Variants in RBFOX1 observed in about 807,000 individuals in gnomAD.
The protein encoded by RBFOX1 is RNA binding protein fox-1 homolog 1.
Under a neutral mutation model 57.7 loss-of-function variants are expected in RBFOX1, and 8 were observed. The ratio of observed to expected loss-of-function variants is 0.14; its 90% CI spans 0.08 to 0.25. RBFOX1 has a LOEUF of 0.25. Ranked by LOEUF, RBFOX1 falls within the 10% of genes least tolerant of loss-of-function variation. The pLI is 1.00. For synonymous variants in RBFOX1, 326 were observed against 222.4 expected (o/e 1.47, Z -4.15); for missense variants, 611 against 548.5 (o/e 1.11, Z -1.14).
intron 4 of RBFOX1, among the ~76,000 whole-genome samples, chr16:7,207,479 C>T (rs1463906726): frequency 6.6e-6 from 1 of 152,174 alleles, no homozygotes; most frequent in East Asian, 1.9e-4. Context: ...GTGCAACCCC[C>T]GGACTGGCCC....
At chr16:6,835,389 T>C (rs2093019112) in intron 3 of RBFOX1, among the ~76,000 whole-genome samples, 1 of 152,166 alleles carries the variant, frequency 6.6e-6, no homozygotes, top group African/African-American at 2.4e-5. Context: ...ATATAGGACC[T>C]GTATTAAAGG....
At chr16:6,789,196 C>G (rs1238723231) in intron 3 of RBFOX1, among the ~76,000 whole-genome samples, 1 of 152,078 alleles carries the variant, frequency 6.6e-6, no homozygotes, top group Non-Finnish European at 1.5e-5. Flanking sequence ...GGTTTAAAGA[C>G]TGTAAGTCAT....
intron 3 of RBFOX1, among the ~76,000 whole-genome samples, chr16:6,882,365 T>A (rs568534279): frequency 6.6e-6 from 1 of 152,070 alleles, no homozygotes; most frequent in African/African-American, 2.4e-5. Context: ...AATTACAGTT[T>A]AGTCACCTAA....
intron 4 of RBFOX1, among the ~76,000 whole-genome samples, chr16:5,955,441 A>C (rs2059617885): frequency 6.6e-6 from 1 of 151,780 alleles, no homozygotes; most frequent in Non-Finnish European, 1.5e-5. Context: ...CTGAGAACTA[A>C]CTATACCCTT....
chr16:5,514,197 T>C (rs2043706254), intron 2 of RBFOX1, among the ~76,000 whole-genome samples: 1 of 152,170 alleles, frequency 6.6e-6, no homozygotes, highest in Non-Finnish European at 1.5e-5. Context: ...TCCTGCTGGC[T>C]TGACTAGCCC....
At chr16:7,284,114 C>A (rs538389570) in intron 4 of RBFOX1, among the ~76,000 whole-genome samples, 1 of 152,226 alleles carries the variant, frequency 6.6e-6, no homozygotes, top group Admixed American at 6.5e-5. Flanking sequence ...TCAACAGTTC[C>A]TTCTTCCCTT....
chr16:6,537,337 G>T (rs2096749261), intron 2 of RBFOX1, among the ~76,000 whole-genome samples: 1 of 152,180 alleles, frequency 6.6e-6, no homozygotes, highest in Non-Finnish European at 1.5e-5. Context: ...CAATAGAATT[G>T]CATCCAGAGG....
At chr16:5,464,894 C>G (rs1408986006) in intron 1 of RBFOX1, among the ~76,000 whole-genome samples, 1 of 152,170 alleles carries the variant, frequency 6.6e-6, no homozygotes, top group Non-Finnish European at 1.5e-5. Context: ...AGGTCTGTAT[C>G]TGTTCAGCCC....
At chr16:5,757,231 GT>G (rs562031050) in intron 3 of RBFOX1, among the ~76,000 whole-genome samples, 10,833 of 126,996 alleles carry the variant, frequency 0.085, 1,264 homozygotes, top group African/African-American at 0.29. Context: ...TGGTTTTTGT[GT>G]TTTTTTTTTT....
intron 3 of RBFOX1, among the ~76,000 whole-genome samples, chr16:5,820,516 A>G (rs2055809416): frequency 6.6e-6 from 1 of 152,008 alleles, no homozygotes; most frequent in Non-Finnish European, 1.5e-5. Context: ...AGGGAGGGGA[A>G]CCCACCCCAG....
At chr16:5,427,994 A>T (rs918155756) in intron 1 of RBFOX1, among the ~76,000 whole-genome samples, 7 of 152,140 alleles carry the variant, frequency 4.6e-5, no homozygotes, top group African/African-American at 1.7e-4. Context: ...CCACACTGAC[A>T]TTGTGGGTCT....
At chr16:6,372,120 G>C (rs936096762) in intron 2 of RBFOX1, among the ~76,000 whole-genome samples, 5 of 151,802 alleles carry the variant, frequency 3.3e-5, no homozygotes, top group Non-Finnish European at 5.9e-5. Flanking sequence ...GAAAAGTATA[G>C]TTGGGTGGGA....
At chr16:6,518,819 CT>C (rs764693659) in intron 2 of RBFOX1, among the ~76,000 whole-genome samples, 78 of 117,368 alleles carry the variant, frequency 6.6e-4, no homozygotes, top group Non-Finnish European at 1.2e-3. Context: ...ATCTATCTAT[CT>C]ATCTATCTAT....
chr16:6,261,849 C>CAAAAG (rs2097703360), intron 1 of RBFOX1, among the ~76,000 whole-genome samples: 1 of 146,224 alleles, frequency 6.8e-6, no homozygotes, highest in African/African-American at 2.7e-5. Flanking sequence ...TACCAAAAAA[C>CAAAAG]AAAACAAAAC....
intron 3 of RBFOX1, among the ~76,000 whole-genome samples, chr16:5,760,629 T>C (rs2151643225): frequency 6.6e-6 from 1 of 152,262 alleles, no homozygotes. Flanking sequence ...ATGCTAACAT[T>C]GAAGGAAGGC....
intron 2 of RBFOX1, among the ~76,000 whole-genome samples, chr16:5,508,340 C>A (rs748680219): frequency 6.6e-6 from 1 of 152,188 alleles, no homozygotes; most frequent in Non-Finnish European, 1.5e-5. Flanking sequence ...TTGCCAACTA[C>A]CTGCATCTCC....
At chr16:6,911,347 G>C (rs1277276619) in intron 3 of RBFOX1, among the ~76,000 whole-genome samples, 1 of 152,128 alleles carries the variant, frequency 6.6e-6, no homozygotes, top group African/African-American at 2.4e-5. Context: ...AGAAGTCCAA[G>C]ATCAAGGTGT....
chr16:7,387,856 T>C (rs1187303237), intron 4 of RBFOX1, among the ~76,000 whole-genome samples: 1 of 152,196 alleles, frequency 6.6e-6, no homozygotes, highest in Admixed American at 6.5e-5. Context: ...TCTTTGATTA[T>C]TTTAATGTGC....
In RBFOX1 at chr16:6,462,474, C is replaced by T. The variant is rs377186691; in HGVS notation, c.-64+145417C>T. On this transcript the variant is annotated intron_variant, in intron 2 of 15. Transcript: ENST00000550418. ...TGCATAGTATTCCATAGTATGGATG[C>T]GTCACTATTTGTTCAGCCATCCTTC... Among the ~76,000 whole-genome samples the T allele has an allele frequency of 3.2e-4, 49 of 152,244 alleles. No individual in the cohort carries two copies. In the East Asian group the frequency reaches 7.1e-3, roughly 22 times the overall value.
Sources: gnomAD v4.1 joint callset for allele counts (sites outside exome capture counted in the v4.1 genomes callset) on GRCh38, gnomAD v4.1.1 for gene constraint, MANE v1.5 for transcripts, NCBI Gene and HGNC (gene_info 2026-07-23, HGNC 2026-07-21) for gene names.